LNPK: variants seen among roughly 807,000 people sequenced by gnomAD.
The protein encoded by LNPK is endoplasmic reticulum junction formation protein lunapark.
LNPK carries 29 observed loss-of-function variants against 55.2 expected under a neutral mutation model. The observed-to-expected ratio is 0.53, with a 90% CI of 0.39 to 0.72. The LOEUF is 0.72. LNPK is among the 30% of genes least tolerant of loss of function. The pLI is 0.00. For synonymous variants in LNPK, 162 were observed against 168.2 expected, an observed-to-expected ratio of 0.96 and a Z score of 0.29; for missense variants, 467 against 494.8, an observed-to-expected ratio of 0.94 and a Z score of 0.53.
rs780731424 is a variant in LNPK, at chr2:175,938,276, A to C, written c.883+37T>G. The C allele has an allele frequency of 2.4e-6, 3 of 1,241,242 alleles. No homozygotes were observed. In the Admixed American group the frequency reaches 5.5e-5, roughly 23 times the overall value. The allele number at this position is 1,241,242 out of a possible 1,614,324, so 76.9% of individuals were successfully genotyped here. A position where few individuals can be genotyped will look rare whatever the true frequency, so the allele number is the denominator to read the frequency against. On this transcript the variant is annotated intron_variant, in intron 11 of 12. Coordinates refer to ENST00000272748, the MANE Select transcript of LNPK (RefSeq NM_030650.3). ...ATGGCATAGAATAAAATATTTAAGC[A>C]TAAAATATTTAAATCTCATTGCCCA...
intron 8 of LNPK, among the ~76,000 whole-genome samples, chr2:175,961,954 T>C (rs1269563306): frequency 2.0e-5 from 3 of 152,174 alleles, no homozygotes; most frequent in Non-Finnish European, 4.4e-5. Flanking sequence ...CCATTCACAA[T>C]TGCTTCAAAG....
chr2:175,943,495 G>T (rs536516531), intron 9 of LNPK, among the ~76,000 whole-genome samples: 1 of 152,052 alleles, frequency 6.6e-6, no homozygotes, highest in Admixed American at 6.5e-5. Context: ...TTCCTAATGA[G>T]TATTGATATA....
chr2:176,002,431 A>G (rs191475397), upstream of LNPK: 1,909 of 334,116 alleles, frequency 5.7e-3, 68 homozygotes, highest in East Asian at 0.016. Context: ...TGGCCTCCGC[A>G]GCCAGCTTAG....
At chr2:175,980,625 G>A (rs1390027040) in intron 4 of LNPK, among the ~76,000 whole-genome samples, 1 of 152,056 alleles carries the variant, frequency 6.6e-6, no homozygotes, top group East Asian at 1.9e-4. Flanking sequence ...AAGTACATAA[G>A]GCTGGGCACG....
chr2:175,956,278 CAAA>C (rs10630601), intron 8 of LNPK, among the ~76,000 whole-genome samples: 5 of 108,532 alleles, frequency 4.6e-5, no homozygotes, highest in Admixed American at 2.1e-4. Flanking sequence ...ACCATGTATT[CAAA>C]AAAAAAAAAA....
intron 4 of LNPK, among the ~76,000 whole-genome samples, chr2:175,985,375 G>C (rs1411531253): frequency 6.6e-6 from 1 of 152,224 alleles, no homozygotes; most frequent in Admixed American, 6.5e-5. Flanking sequence ...CTCTGAATAG[G>C]CTCCGTGGAT....
rs753109229 is a variant in LNPK at position 175,939,617 on chromosome 2, G to T, written c.747C>A (p.Leu249=). The T allele has an allele frequency of 6.2e-7, 1 of 1,607,806 alleles. No homozygotes were observed. The change falls in exon 10 of 13, where the codon CTC becomes CTA. Residue 249 remains leucine, a synonymous_variant. Coordinates refer to ENST00000272748, the MANE Select transcript of LNPK (RefSeq NM_030650.3). The part of the protein sequence containing the change: ...PPGPPLARPI[L]PRERGALDRI... The stretch of plus-strand genomic sequence containing the variant: ...TATCCAAAGCACCTCGTTCTCGGGG[G>T]AGAATAGGTCTTGCTAAAGGTGGAC...
chr2:175,948,806 C>A (rs963626245), intron 8 of LNPK, among the ~76,000 whole-genome samples: 5 of 152,138 alleles, frequency 3.3e-5, no homozygotes, highest in African/African-American at 1.2e-4. Context: ...AAGTACAGCT[C>A]TAGCATCAGA....
At position 175,930,096 on chromosome 2, in the gene LNPK, T is replaced by C. The variant is rs202012437; in HGVS notation, c.1158A>G (p.Ser386=). ...TNQVIEKASD[S]EEPEEKQETE... ...TCTCTTGTTTCTCCTCTGGTTCCTCTGAGTCAGATGCTTTTTCAATCACTT... is the reference window on the plus strand; with the variant it reads ...TCTCTTGTTTCTCCTCTGGTTCCTCCGAGTCAGATGCTTTTTCAATCACTT... The change falls in exon 13 of 13, where the codon TCA becomes TCG. Residue 386 remains serine, a synonymous_variant. Transcript: ENST00000272748. 76 of 1,614,094 alleles carry C rather than the reference T, an allele frequency of 4.7e-5. No individual in the cohort carries two copies. The highest frequency in any genetic ancestry group is 2.8e-4 in the Admixed American group (17 of 60,012).
At position 175,959,983 on chromosome 2, in the gene LNPK, A is replaced by G. The variant is rs973194771; in HGVS notation, c.493+4389T>C. Among the ~76,000 whole-genome samples the G allele has an allele frequency of 2.6e-5, 4 of 152,324 alleles. No individual in the cohort carries two copies. The East Asian group carries it at 5.8e-4, about 22-fold the overall frequency. On this transcript the variant is annotated intron_variant, in intron 8 of 12. Transcript: ENST00000272748. ...ACAAAGAAGGCCATTACATAATGGT[A>G]AAGGAGTCAATTCAACAAGAAGAGC...
At chr2:175,978,300 C>T (rs941246606) in intron 5 of LNPK, among the ~76,000 whole-genome samples, 1 of 151,844 alleles carries the variant, frequency 6.6e-6, no homozygotes, top group African/African-American at 2.4e-5. Context: ...TAGGTTACAT[C>T]CAAATTCTAT....
Position 175,940,668 on chromosome 2 carries a change from A to G in LNPK, c.707-1011T>C, listed in dbSNP as rs553626960. On this transcript the variant is annotated intron_variant, in intron 9 of 12. Coordinates refer to ENST00000272748, the MANE Select transcript of LNPK (RefSeq NM_030650.3). Reference sequence around the variant, plus strand: ...GCCAATAAGCAGGAAAATATCACTGATAAGAAAAATCAATCAAAATTGACC... The same window carrying G: ...GCCAATAAGCAGGAAAATATCACTGGTAAGAAAAATCAATCAAAATTGACC... Among the ~76,000 whole-genome samples the G allele has an allele frequency of 5.9e-5, 9 of 152,310 alleles. No individual in the cohort carries two copies. The East Asian group carries it at 1.5e-3, about 26-fold the overall frequency.
chr2:175,980,407 T>C (rs961562532), intron 4 of LNPK, among the ~76,000 whole-genome samples: 1 of 152,192 alleles, frequency 6.6e-6, no homozygotes, highest in Non-Finnish European at 1.5e-5. Context: ...TTCAAATAAA[T>C]ACTTGATGAG....
intron 4 of LNPK, among the ~76,000 whole-genome samples, chr2:175,989,801 A>T (rs1324727753): frequency 6.6e-6 from 1 of 152,204 alleles, no homozygotes; most frequent in Non-Finnish European, 1.5e-5. Context: ...AGTATGTGGA[A>T]TTATATTAAA....
intron 9 of LNPK, among the ~76,000 whole-genome samples, chr2:175,944,279 TAAGTG>T (rs1303641119): frequency 1.3e-5 from 2 of 151,938 alleles, no homozygotes; most frequent in African/African-American, 2.4e-5. Flanking sequence ...ATGACATAAA[TAAGTG>T]AAGAGAAATA....
intron 8 of LNPK, among the ~76,000 whole-genome samples, chr2:175,961,408 C>A (rs896786880): frequency 1.3e-5 from 2 of 152,158 alleles, no homozygotes; most frequent in Non-Finnish European, 2.9e-5. Flanking sequence ...ATATGCAAAT[C>A]AATAAATGTA....
In LNPK at chr2:175,930,141, T is replaced by C. The variant is rs1684197009; in HGVS notation, c.1113A>G (p.Pro371=). ...TCACTTGGTTTGTCTGTTCTGTAGC[T>C]GGTATTTTGTCATCTGTCTGCTCTG... ...DNTEQTDDKI[P]ATEQTNQVIE... Residue 371 remains proline (P), a synonymous_variant, in exon 13 of 13, where the codon CCA becomes CCG. Coordinates refer to ENST00000272748, the MANE Select transcript of LNPK (RefSeq NM_030650.3). The C allele has an allele frequency of 1.2e-6, 2 of 1,613,462 alleles. No homozygotes were observed. Among genetic ancestry groups the C allele is most frequent in the African/African-American group, 2.7e-5 (2 of 74,904 alleles).
chr2:175,932,838 T>C (rs915264834), intron 12 of LNPK, among the ~76,000 whole-genome samples: 6 of 152,184 alleles, frequency 3.9e-5, no homozygotes, highest in African/African-American at 1.4e-4. Flanking sequence ...AAGTTGTAGT[T>C]TAAAACAGCT....
chr2:175,935,122 T>C lies in LNPK; in HGVS notation c.1054+2222A>G, dbSNP rs77848627. Among the ~76,000 whole-genome samples, 837 of 152,278 alleles carry C rather than the reference T, an allele frequency of 5.5e-3. 6 individuals carry two copies. The highest frequency in any genetic ancestry group is 0.019 in the African/African-American group (799 of 41,570). On this transcript the variant is annotated intron_variant, in intron 12 of 12. Transcript: ENST00000272748. ...ATTAATTCTTGATTGTTCATAAAAA[T>C]GGTTACTGATATTTGTTTAAAGAAA...
Sources: gnomAD v4.1 joint callset for allele counts (sites outside exome capture counted in the v4.1 genomes callset) on GRCh38, gnomAD v4.1.1 for gene constraint, MANE v1.5 for transcripts, NCBI Gene and HGNC (gene_info 2026-07-23, HGNC 2026-07-21) for gene names.